SLC9A2: variants seen among roughly 807,000 people sequenced by gnomAD.
The protein encoded by SLC9A2 is solute carrier family 9 member A2.
SLC9A2 carries 42 observed loss-of-function variants against 71.7 expected under a neutral mutation model. The observed-to-expected ratio is 0.59, with a 90% CI of 0.46 to 0.76. SLC9A2 has a LOEUF of 0.76. SLC9A2 is among the 30% of genes least tolerant of loss of function. SLC9A2 has a pLI of 0.00. For synonymous variants in SLC9A2, 396 were observed against 392.5 expected, an observed-to-expected ratio of 1.01 and a Z score of -0.10; for missense variants, 829 against 1,017.4, an observed-to-expected ratio of 0.81 and a Z score of 2.52.
At chr2:102,666,334 T>A (rs1208580970) in intron 3 of SLC9A2, among the ~76,000 whole-genome samples, 10 of 151,692 alleles carry the variant, frequency 6.6e-5, no homozygotes, top group African/African-American at 2.2e-4. Flanking sequence ...TAGCTGGGAC[T>A]GCAGGCGCCC....
intron 1 of SLC9A2, among the ~76,000 whole-genome samples, chr2:102,651,912 C>T (rs1276235147): frequency 6.6e-6 from 1 of 150,676 alleles, no homozygotes; most frequent in African/African-American, 2.5e-5. Flanking sequence ...ATATTATGTG[C>T]TATCTGCAAA....
intron 2 of SLC9A2, among the ~76,000 whole-genome samples, chr2:102,663,093 G>A (rs1009171712): frequency 1.3e-5 from 2 of 152,218 alleles, no homozygotes; most frequent in Non-Finnish European, 2.9e-5. Context: ...AGTAACTGTG[G>A]CGTGTTGATG....
chr2:102,685,129 A>G (rs1677524895), intron 5 of SLC9A2, among the ~76,000 whole-genome samples: 1 of 152,244 alleles, frequency 6.6e-6, no homozygotes, highest in South Asian at 2.1e-4. Flanking sequence ...GGGAACAGCG[A>G]GAAAAATGAG....
intron 1 of SLC9A2, among the ~76,000 whole-genome samples, chr2:102,646,895 A>G (rs1021592733): frequency 1.3e-5 from 2 of 151,778 alleles, no homozygotes; most frequent in Non-Finnish European, 2.9e-5. Flanking sequence ...ACTGTATATT[A>G]GACAGATCAA....
At chr2:102,649,010 A>C (rs1428321079) in intron 1 of SLC9A2, among the ~76,000 whole-genome samples, 1 of 149,912 alleles carries the variant, frequency 6.7e-6, no homozygotes, top group South Asian at 2.1e-4. Context: ...AAACAAAAAA[A>C]GACAAGACAA....
chr2:102,694,940 C>A, intron 6 of SLC9A2, 103 bp from the exon 7 acceptor site: 2 of 924,268 alleles, frequency 2.2e-6, no homozygotes, highest in Non-Finnish European at 3.4e-6. Context: ...AAATAAGAAG[C>A]AAAAGCCATG....
At chr2:102,680,177 G>T (rs774806583) in intron 3 of SLC9A2, among the ~76,000 whole-genome samples, 7 of 151,648 alleles carry the variant, frequency 4.6e-5, no homozygotes, top group Non-Finnish European at 7.4e-5. Flanking sequence ...TCCACTACAT[G>T]AAGTACCTAA....
At position 102,695,094 on chromosome 2, in the gene SLC9A2, C is replaced by T; in HGVS notation, c.1567C>T (p.His523Tyr). ...GIEDVCGHWG[H>Y]NFWRDKFKKF... ...TGAAGATGTTTGTGGACATTGGGGTCACAACTTTTGGAGAGACAAGTAAGA... is the reference window on the plus strand; with the variant it reads ...TGAAGATGTTTGTGGACATTGGGGTTACAACTTTTGGAGAGACAAGTAAGA... The change falls in exon 7 of 12, where the codon CAC becomes TAC. Residue 523 changes from histidine to tyrosine, a missense_variant. By Grantham distance (83) the His-to-Tyr change is moderately conservative (BLOSUM62 2). Transcript: ENST00000233969. 6.2e-7 allele frequency: 1 copy of T among 1,613,676 alleles called. No individual in the cohort carries two copies. Among genetic ancestry groups the T allele is most frequent in the Non-Finnish European group, 8.5e-7 (1 of 1,179,746 alleles).
chr2:102,686,029 C>T (rs371010639), intron 5 of SLC9A2, among the ~76,000 whole-genome samples: 5 of 152,006 alleles, frequency 3.3e-5, no homozygotes, highest in South Asian at 4.2e-4. Context: ...AATGAGCGAT[C>T]GGTAAAAAAG....
intron 1 of SLC9A2, among the ~76,000 whole-genome samples, chr2:102,620,505 G>A (rs573042677): frequency 3.2e-4 from 49 of 152,304 alleles, no homozygotes; most frequent in Admixed American, 9.1e-4. Context: ...GAACCCCGGA[G>A]CTATGCATAA....
At chr2:102,702,611 C>CT in intron 9 of SLC9A2, 109 bp downstream of exon 9, 1 of 659,312 alleles carries the variant, frequency 1.5e-6, no homozygotes, top group Non-Finnish European at 2.7e-6. Flanking sequence ...CTCAGCAGGT[C>CT]CCATGCTGGG....
intron 2 of SLC9A2, among the ~76,000 whole-genome samples, chr2:102,658,489 T>A (rs1346606200): frequency 6.6e-6 from 1 of 151,914 alleles, no homozygotes; most frequent in African/African-American, 2.4e-5. Flanking sequence ...GGTGAAATGA[T>A]AATACCTGCT....
intron 5 of SLC9A2, among the ~76,000 whole-genome samples, chr2:102,687,753 A>C (rs148007679): frequency 5.9e-4 from 90 of 151,862 alleles, no homozygotes; most frequent in African/African-American, 2.1e-3. Flanking sequence ...GCACACTATC[A>C]TGTTGTCAGA....
At chr2:102,688,443 A>C (rs758193467) in intron 5 of SLC9A2, among the ~76,000 whole-genome samples, 1 of 152,126 alleles carries the variant, frequency 6.6e-6, no homozygotes, top group Non-Finnish European at 1.5e-5. Context: ...GAAAAATTAT[A>C]ACGAGGCCAT....
chr2:102,690,127 T>C (rs1247952912), intron 5 of SLC9A2, among the ~76,000 whole-genome samples: 1 of 152,018 alleles, frequency 6.6e-6, no homozygotes, highest in Non-Finnish European at 1.5e-5. Context: ...CATAGCAATA[T>C]TTAGAAATCA....
At chr2:102,676,502 G>A (rs551974752) in intron 3 of SLC9A2, among the ~76,000 whole-genome samples, 1 of 152,286 alleles carries the variant, frequency 6.6e-6, no homozygotes. Flanking sequence ...CAATGGACAA[G>A]TCTTCATGAT....
At chr2:102,643,030 T>TTGATTTCTACAGGGTCTGTAG (rs539236043) in intron 1 of SLC9A2, among the ~76,000 whole-genome samples, 3 of 152,208 alleles carry the variant, frequency 2.0e-5, no homozygotes, top group Non-Finnish European at 2.9e-5. Flanking sequence ...TGTGAACTTT[T>TTGATTTCTACAGGGTCTGTAG]TGATTTCTAC....
At chr2:102,650,785 G>C (rs898933708) in intron 1 of SLC9A2, among the ~76,000 whole-genome samples, 1 of 152,122 alleles carries the variant, frequency 6.6e-6, no homozygotes, top group Non-Finnish European at 1.5e-5. Context: ...AACATATGGC[G>C]ATGTGTTTAG....
chr2:102,650,533 AT>A (rs751791948), intron 1 of SLC9A2, among the ~76,000 whole-genome samples: 21 of 152,202 alleles, frequency 1.4e-4, no homozygotes, highest in Non-Finnish European at 2.4e-4. Flanking sequence ...TTTTTAGATT[AT>A]TTTTGTTTAA....
Sources: gnomAD v4.1 joint callset for allele counts (sites outside exome capture counted in the v4.1 genomes callset) on GRCh38, gnomAD v4.1.1 for gene constraint, MANE v1.5 for transcripts, NCBI Gene and HGNC (gene_info 2026-07-23, HGNC 2026-07-21) for gene names.